The following ERBIN variants were observed in gnomAD, a reference collection of about 807,000 sequenced individuals.
The protein encoded by ERBIN is densin-180-like protein.
A neutral mutation model predicts 158.4 loss-of-function variants in ERBIN; 60 were observed. The observed-to-expected ratio is 0.38, with a 90% CI of 0.31 to 0.47. ERBIN has a LOEUF of 0.47. Among genes scored for constraint, ERBIN ranks in the 20% least tolerant of loss-of-function variants. The pLI is 0.99. For missense variants in ERBIN, 1,610 were observed against 1,648.0 expected, an observed-to-expected ratio of 0.98 and a Z score of 0.40; for synonymous variants, 594 against 557.2, an observed-to-expected ratio of 1.07 and a Z score of -0.93.
intron 21 of ERBIN, among the ~76,000 whole-genome samples, chr5:66,071,754 T>C (rs889843226): frequency 1.7e-4 from 26 of 151,718 alleles, no homozygotes; most frequent in African/African-American, 6.3e-4. Context: ...CAAAAATCTT[T>C]TTATAGTGCT....
At chr5:66,016,474 TA>T (rs994975763) in intron 7 of ERBIN, among the ~76,000 whole-genome samples, 7 of 152,222 alleles carry the variant, frequency 4.6e-5, no homozygotes, top group African/African-American at 1.7e-4. Flanking sequence ...AAAATATGTG[TA>T]AAATTTACTG....
intron 10 of ERBIN, 76 bp downstream of exon 10, chr5:66,024,526 T>C (rs1241305050): frequency 7.2e-6 from 10 of 1,397,594 alleles, no homozygotes; most frequent in Non-Finnish European, 9.8e-7. Context: ...AAATTTCACT[T>C]GTTATGAGGT....
intron 19 of ERBIN, 34 bp from the exon 20 acceptor site, chr5:66,050,749 A>G (rs1239760680): frequency 2.2e-6 from 3 of 1,377,110 alleles, no homozygotes; most frequent in African/African-American, 1.5e-5. Flanking sequence ...TTCTTGGGGA[A>G]TTTATCATTA....
At chr5:66,020,038 A>T (rs185754070) in intron 7 of ERBIN, among the ~76,000 whole-genome samples, 171 of 152,250 alleles carry the variant, frequency 1.1e-3, no homozygotes, top group African/African-American at 3.9e-3. Flanking sequence ...TTAATGAAGG[A>T]AGCTAGAACT....
chr5:66,019,774 C>T (rs956644888), intron 7 of ERBIN, among the ~76,000 whole-genome samples: 12 of 152,148 alleles, frequency 7.9e-5, no homozygotes, highest in African/African-American at 2.9e-4. Context: ...GTACCCTTTT[C>T]TAAAACTGTT....
intron 1 of ERBIN, among the ~76,000 whole-genome samples, chr5:65,948,938 G>GT (rs1746155813): frequency 6.6e-6 from 1 of 151,582 alleles, no homozygotes; most frequent in African/African-American, 2.4e-5. Flanking sequence ...TAATTTTTGT[G>GT]TTTTTGGTAG....
chr5:66,000,982 G>T (rs1342361219), intron 4 of ERBIN, among the ~76,000 whole-genome samples: 1 of 151,910 alleles, frequency 6.6e-6, no homozygotes, highest in Non-Finnish European at 1.5e-5. Flanking sequence ...ACCCTAATAT[G>T]TATGTTTGTA....
intron 9 of ERBIN, among the ~76,000 whole-genome samples, 164 bp downstream of exon 9, chr5:66,023,528 T>C (rs1755915273): frequency 6.6e-6 from 1 of 152,204 alleles, no homozygotes; most frequent in South Asian, 2.1e-4. Flanking sequence ...TTGATTATAA[T>C]CTAAGAATTC....
intron 7 of ERBIN, 123 bp downstream of exon 7, chr5:66,014,848 GTCA>G: frequency 2.0e-6 from 1 of 510,798 alleles, no homozygotes; most frequent in Non-Finnish European, 3.4e-6. Context: ...TGACTGTGTG[GTCA>G]TCATATTTAA....
intron 21 of ERBIN, among the ~76,000 whole-genome samples, chr5:66,058,153 A>T (rs562785026): frequency 3.2e-4 from 48 of 152,094 alleles, no homozygotes; most frequent in Admixed American, 5.9e-4. Flanking sequence ...TCCCACCAAC[A>T]GTGTAAAAGT....
intron 1 of ERBIN, among the ~76,000 whole-genome samples, chr5:65,960,237 TACAG>T (rs749707429): frequency 7.3e-4 from 111 of 152,346 alleles, no homozygotes; most frequent in Non-Finnish European, 1.0e-3. Flanking sequence ...AGAAGTCTGA[TACAG>T]AAGAGTACAC....
At chr5:66,051,029 C>G in intron 20 of ERBIN, 63 bp downstream of exon 20, 1 of 1,041,284 alleles carries the variant, frequency 9.6e-7, no homozygotes, top group Non-Finnish European at 1.4e-6. Flanking sequence ...AGGCAGATAA[C>G]AAATACATAA....
chr5:65,940,682 G>A (rs1744855471), intron 1 of ERBIN, among the ~76,000 whole-genome samples: 1 of 147,364 alleles, frequency 6.8e-6, no homozygotes, highest in South Asian at 2.1e-4. Context: ...CGCCCGGTCC[G>A]GGAGGGAGGT....
At chr5:65,985,850 TAATC>T (rs1259443950) in intron 1 of ERBIN, among the ~76,000 whole-genome samples, 4 of 152,210 alleles carry the variant, frequency 2.6e-5, no homozygotes, top group Admixed American at 6.5e-5. Context: ...TTTGTCAAGA[TAATC>T]AATGACTTTC....
chr5:66,066,204 C>T (rs1760978187), intron 21 of ERBIN, among the ~76,000 whole-genome samples: 2 of 152,098 alleles, frequency 1.3e-5, no homozygotes, highest in South Asian at 2.1e-4. Context: ...GAAAGTGCTA[C>T]ATAAATATAT....
chr5:66,046,647 C>A, intron 18 of ERBIN, 109 bp downstream of exon 18: 3 of 871,868 alleles, frequency 3.4e-6, no homozygotes, highest in Non-Finnish European at 3.3e-6. Context: ...TTAATGCATT[C>A]ATCATTGAGA....
chr5:65,966,827 AC>A (rs2150974911), intron 1 of ERBIN, among the ~76,000 whole-genome samples: 1 of 152,246 alleles, frequency 6.6e-6, no homozygotes, highest in South Asian at 2.1e-4. Context: ...TTCCAGTCAG[AC>A]AAGATATGGA....
chr5:65,937,943 T>G (rs114870253), intron 1 of ERBIN, among the ~76,000 whole-genome samples: 1,793 of 152,118 alleles, frequency 0.012, 38 homozygotes, highest in African/African-American at 0.041. Context: ...GGTGGTATGT[T>G]GATTGAGAGG....
chr5:65,942,114 C>G (rs577284445), intron 1 of ERBIN, among the ~76,000 whole-genome samples: 23 of 152,280 alleles, frequency 1.5e-4, no homozygotes, highest in African/African-American at 4.8e-4. Context: ...TGATGTTTTC[C>G]TCATACTCAC....
Sources: allele counts gnomAD v4.1 joint callset (sites outside exome capture counted in the v4.1 genomes callset), GRCh38; gene constraint gnomAD v4.1.1; transcripts MANE v1.5; gene names NCBI Gene and HGNC (gene_info 2026-07-23, HGNC 2026-07-21).